HIBADH: variants seen among roughly 807,000 people sequenced by gnomAD.
HIBADH encodes the protein 3-hydroxyisobutyrate dehydrogenase, mitochondrial.
Under a neutral mutation model 36.1 loss-of-function variants are expected in HIBADH, and 25 were observed. The ratio of observed to expected loss-of-function variants is 0.69; its 90% CI spans 0.50 to 0.97. The LOEUF is 0.97. HIBADH is among the 50% of genes least tolerant of loss of function. The pLI is 0.00. For missense variants in HIBADH, 421 were observed against 418.0 expected (o/e 1.01, Z -0.06); for synonymous variants, 160 against 149.5 (o/e 1.07, Z -0.51).
intron 4 of HIBADH, among the ~76,000 whole-genome samples, chr7:27,599,768 A>G (rs1303921539): frequency 1.3e-5 from 2 of 151,720 alleles, no homozygotes; most frequent in Non-Finnish European, 2.9e-5. Context: ...CAATTGTTTA[A>G]AACATTCAGT....
At chr7:27,537,257 G>A (rs906838920) in intron 6 of HIBADH, among the ~76,000 whole-genome samples, 2 of 152,070 alleles carry the variant, frequency 1.3e-5, no homozygotes, top group Non-Finnish European at 2.9e-5. Context: ...TAGTGCTGAC[G>A]CAAAGCAAAT....
chr7:27,583,937 T>C (rs79760696), intron 4 of HIBADH, among the ~76,000 whole-genome samples: 2,441 of 152,008 alleles, frequency 0.016, 33 homozygotes, highest in South Asian at 0.074. Context: ...GTGAGAAGAG[T>C]AGCACTGCTT....
intron 1 of HIBADH, among the ~76,000 whole-genome samples, chr7:27,661,609 A>G (rs923050869): frequency 2.3e-5 from 3 of 128,526 alleles, no homozygotes; most frequent in Middle Eastern, 4.4e-3. Flanking sequence ...AAAAAAAAAA[A>G]GGGCGGGGGG....
chr7:27,602,381 A>C (rs546700267), intron 4 of HIBADH, among the ~76,000 whole-genome samples: 2 of 152,274 alleles, frequency 1.3e-5, no homozygotes, highest in African/African-American at 2.4e-5. Context: ...GCATTTTCAC[A>C]CTTTCCACTC....
chr7:27,632,068 T>TA (rs1156790846), intron 3 of HIBADH, among the ~76,000 whole-genome samples: 2 of 152,192 alleles, frequency 1.3e-5, no homozygotes, highest in Non-Finnish European at 2.9e-5. Flanking sequence ...AAAAGTCTCT[T>TA]AAACATGTTA....
At chr7:27,575,665 T>C (rs1232743299) in intron 4 of HIBADH, among the ~76,000 whole-genome samples, 1 of 152,232 alleles carries the variant, frequency 6.6e-6, no homozygotes, top group Non-Finnish European at 1.5e-5. Flanking sequence ...AATGGTGTGA[T>C]GTGCCTGCTT....
At chr7:27,554,261 C>T (rs947894360) in intron 4 of HIBADH, among the ~76,000 whole-genome samples, 13 of 152,220 alleles carry the variant, frequency 8.5e-5, no homozygotes, top group Non-Finnish European at 1.0e-4. Context: ...GCTGAGATTA[C>T]AGGCGCGAGC....
intron 4 of HIBADH, among the ~76,000 whole-genome samples, chr7:27,587,628 T>A (rs999710050): frequency 6.6e-6 from 1 of 152,186 alleles, no homozygotes; most frequent in African/African-American, 2.4e-5. Flanking sequence ...CCCAAACACA[T>A]GCACTTCCTC....
chr7:27,633,298 G>C (rs1210990594), intron 2 of HIBADH, among the ~76,000 whole-genome samples: 1 of 152,110 alleles, frequency 6.6e-6, no homozygotes, highest in Non-Finnish European at 1.5e-5. Context: ...AACCTGGCCA[G>C]CCAACTGGCA....
chr7:27,641,896 G>A (rs1260035421), intron 2 of HIBADH, among the ~76,000 whole-genome samples: 2 of 152,088 alleles, frequency 1.3e-5, no homozygotes, highest in Non-Finnish European at 2.9e-5. Flanking sequence ...AATACTCAGA[G>A]GACCTCTTAG....
intron 1 of HIBADH, among the ~76,000 whole-genome samples, chr7:27,659,418 G>C (rs1334190741): frequency 6.6e-6 from 1 of 152,082 alleles, no homozygotes; most frequent in Non-Finnish European, 1.5e-5. Context: ...AATGCTTTAA[G>C]TATTTTAAAA....
intron 4 of HIBADH, among the ~76,000 whole-genome samples, chr7:27,599,440 T>G (rs1481910419): frequency 6.6e-6 from 1 of 152,004 alleles, no homozygotes; most frequent in Non-Finnish European, 1.5e-5. Flanking sequence ...CCCAGCACTT[T>G]GGGAGGCCGA....
At chr7:27,543,512 G>A (rs1364784328) in intron 4 of HIBADH, among the ~76,000 whole-genome samples, 1 of 152,192 alleles carries the variant, frequency 6.6e-6, no homozygotes, top group Non-Finnish European at 1.5e-5. Context: ...AGAGAGGTCT[G>A]CTGCCCACGT....
intron 4 of HIBADH, among the ~76,000 whole-genome samples, chr7:27,574,136 A>G (rs944251669): frequency 1.3e-5 from 2 of 152,200 alleles, no homozygotes; most frequent in Non-Finnish European, 2.9e-5. Flanking sequence ...GAGTCCAATA[A>G]ATAAAAATGC....
intron 6 of HIBADH, among the ~76,000 whole-genome samples, chr7:27,531,622 C>A (rs1160634387): frequency 6.6e-6 from 1 of 152,112 alleles, no homozygotes; most frequent in Non-Finnish European, 1.5e-5. Flanking sequence ...TATACAATTG[C>A]ATAAAAATAT....
chr7:27,537,397 G>GT (rs1388216393), intron 6 of HIBADH, among the ~76,000 whole-genome samples: 2 of 152,196 alleles, frequency 1.3e-5, no homozygotes, highest in East Asian at 3.9e-4. Context: ...ATCCATTACT[G>GT]TGTTTTCAAA....
At chr7:27,552,324 A>G (rs892213644) in intron 4 of HIBADH, among the ~76,000 whole-genome samples, 9 of 152,190 alleles carry the variant, frequency 5.9e-5, no homozygotes, top group African/African-American at 2.2e-4. Context: ...CCTTGTTAAC[A>G]CTATTTCTGG....
At position 27,626,051 on chromosome 7, in the gene HIBADH, C is replaced by G. The variant is rs182597724; in HGVS notation, c.484+3320G>C. On this transcript the variant is annotated intron_variant, in intron 4 of 7. Transcript: ENST00000265395. ...CTGGGAGGCAGAGGTTGCAGTGAGCCAAGATTGCACCACTGCACTCCAGCC... is the reference window on the plus strand; with the variant it reads ...CTGGGAGGCAGAGGTTGCAGTGAGCGAAGATTGCACCACTGCACTCCAGCC... Among the ~76,000 whole-genome samples, 642 of 123,732 alleles carry G rather than the reference C, an allele frequency of 5.2e-3. 4 individuals carry two copies. Among genetic ancestry groups the G allele is most frequent in the African/African-American group, 0.019 (619 of 33,016 alleles). The allele number at this position is 123,732 out of a possible 152,430, so 81.2% of individuals were successfully genotyped here.
intron 4 of HIBADH, among the ~76,000 whole-genome samples, chr7:27,603,939 T>C (rs1785174719): frequency 2.0e-5 from 3 of 152,090 alleles, no homozygotes; most frequent in Non-Finnish European, 2.9e-5. Flanking sequence ...TCTCTCCCCT[T>C]TTCATCCTAG....
Sources: allele counts gnomAD v4.1 joint callset (sites outside exome capture counted in the v4.1 genomes callset), GRCh38; gene constraint gnomAD v4.1.1; transcripts MANE v1.5; gene names NCBI Gene and HGNC (gene_info 2026-07-23, HGNC 2026-07-21).